RBBP8: variants seen among roughly 807,000 people sequenced by gnomAD.
RBBP8 encodes the protein DNA endonuclease RBBP8.
A neutral mutation model predicts 108.3 loss-of-function variants in RBBP8; 88 were observed. The ratio of observed to expected loss-of-function variants is 0.81; its 90% confidence interval spans 0.68 to 0.97. The LOEUF is 0.97. Among genes scored for constraint, RBBP8 ranks in the 50% least tolerant of loss-of-function variants. The probability of loss-of-function intolerance (pLI) is 0.00; values close to 1 mark genes in which losing one functional copy is unlikely to be tolerated. For synonymous variants in RBBP8, 332 were observed against 348.2 expected (o/e 0.95, Z 0.52); for missense variants, 1,023 against 1,049.0 (o/e 0.98, Z 0.34).
intron 3 of RBBP8, among the ~76,000 whole-genome samples, chr18:22,927,466 T>C (rs1909831548): frequency 6.6e-6 from 1 of 152,130 alleles, no homozygotes; most frequent in Admixed American, 6.5e-5. Context: ...TGTTCACTCA[T>C]TGATTATATT....
At chr18:22,947,205 A>C (rs1423672229) in intron 3 of RBBP8, among the ~76,000 whole-genome samples, 1 of 152,086 alleles carries the variant, frequency 6.6e-6, no homozygotes, top group East Asian at 1.9e-4. Context: ...TTAATTAAGA[A>C]ATTTAAAGAA....
At chr18:22,932,712 T>C (rs924220191), upstream of RBBP8, among the ~76,000 whole-genome samples, 4 of 152,198 alleles carry the variant, frequency 2.6e-5, no homozygotes, top group Admixed American at 2.6e-4. Context: ...GAAATAGGAA[T>C]ACCTACTATC....
intron 4 of RBBP8, among the ~76,000 whole-genome samples, chr18:22,953,948 G>A (rs774990573): frequency 6.6e-6 from 1 of 151,890 alleles, no homozygotes; most frequent in Non-Finnish European, 1.5e-5. Context: ...AAGCAAAAGG[G>A]GGATAAGCCC....
At chr18:22,972,560 C>T (rs1047328116) in intron 5 of RBBP8, among the ~76,000 whole-genome samples, 2 of 151,840 alleles carry the variant, frequency 1.3e-5, no homozygotes, top group Admixed American at 1.3e-4. Flanking sequence ...ATTATAGGCA[C>T]GTGCGACCAC....
upstream of RBBP8, among the ~76,000 whole-genome samples, chr18:22,931,126 A>G (rs1458444014): frequency 6.6e-6 from 1 of 152,122 alleles, no homozygotes; most frequent in Non-Finnish European, 1.5e-5. Flanking sequence ...AACAATAAAA[A>G]CTGTAAGATG....
chr18:22,929,683 C>T (rs1158393255), upstream of RBBP8, among the ~76,000 whole-genome samples: 1 of 151,948 alleles, frequency 6.6e-6, no homozygotes, highest in East Asian at 1.9e-4. Flanking sequence ...TATCTGGCCT[C>T]AGGTTGTATT....
intron 3 of RBBP8, among the ~76,000 whole-genome samples, chr18:22,925,768 C>T (rs1028826870): frequency 6.6e-6 from 1 of 152,128 alleles, no homozygotes; most frequent in Non-Finnish European, 1.5e-5. Context: ...TAATATTTTC[C>T]ATTGCTGTAA....
Position 23,022,181 on chromosome 18 carries a change from C to G in RBBP8, c.2507C>G (p.Ser836Ter), listed in dbSNP as rs770652928. Residue 836 changes from serine to a stop codon, truncating the protein, a stop_gained, in exon 18 of 19, where the codon TCA (serine) becomes TGA (stop). Coordinates refer to ENST00000327155, the MANE Select transcript of RBBP8 (RefSeq NM_002894.3). LOFTEE classifies it high-confidence loss of function. ...EEREKKLASC[S>*]RHRFRYIPPN... is the part of the protein sequence containing the mutation. Reference sequence around the variant, plus strand: ...AGAGAAAAGAAATTGGCTTCCTGCTCAAGACACCGATTCCGCTACATTCCA... The same window carrying G: ...AGAGAAAAGAAATTGGCTTCCTGCTGAAGACACCGATTCCGCTACATTCCA... 9 of 1,611,130 alleles carry G rather than the reference C, an allele frequency of 5.6e-6. No individual in the cohort carries two copies. In the South Asian group the frequency reaches 7.7e-5, roughly 14 times the overall value.
upstream of RBBP8, among the ~76,000 whole-genome samples, chr18:22,931,270 C>T (rs568438034): frequency 1.3e-5 from 2 of 152,000 alleles, no homozygotes; most frequent in South Asian, 2.1e-4. Context: ...GACAATAGCA[C>T]GCAATGGCCT....
chr18:22,994,136 T>G (rs1379783792), intron 12 of RBBP8, among the ~76,000 whole-genome samples: 2 of 142,790 alleles, frequency 1.4e-5, no homozygotes, highest in East Asian at 2.2e-4. Context: ...TTCTCCTGCC[T>G]CAGCCTCCCG....
intron 3 of RBBP8, 101 bp downstream of exon 3, chr18:22,946,587 A>T: frequency 6.6e-7 from 1 of 1,513,192 alleles, no homozygotes; most frequent in Non-Finnish European, 8.9e-7. Context: ...GTCCAATTTG[A>T]CCTTAATGTC....
chr18:23,003,809 A>T (rs1380092878), intron 15 of RBBP8, among the ~76,000 whole-genome samples: 1 of 152,186 alleles, frequency 6.6e-6, no homozygotes. Flanking sequence ...GATTCCTCAG[A>T]AAACTAAAAA....
In RBBP8 at chr18:22,991,063, C is replaced by T. The variant is rs1223803946; in HGVS notation, c.920+14C>T. ...AGATAGTTTAAGGTAATTAAGGGCA[C>T]GTTGGTGAAAACTGATAAGCTATTG... On this transcript the variant is annotated intron_variant, in intron 10 of 18. Coordinates refer to ENST00000327155, the MANE Select transcript of RBBP8 (RefSeq NM_002894.3). 7 of 1,562,472 alleles carry T rather than the reference C, an allele frequency of 4.5e-6. No individual in the cohort carries two copies. In the African/African-American group the frequency reaches 5.4e-5, roughly 12 times the overall value.
At chr18:22,950,810 C>A (rs902906963) in intron 4 of RBBP8, among the ~76,000 whole-genome samples, 5 of 151,986 alleles carry the variant, frequency 3.3e-5, no homozygotes, top group African/African-American at 4.8e-5. Context: ...ACTCAGGACA[C>A]TGAGACGGGA....
rs141917133 is a variant in RBBP8 at position 22,992,828 on chromosome 18, C to A, written c.1001C>A (p.Ser334Tyr). The A allele has an allele frequency of 6.2e-7, 1 of 1,611,282 alleles. No individual in the cohort carries two copies. Among genetic ancestry groups the A allele is most frequent in the Non-Finnish European group, 8.5e-7 (1 of 1,177,550 alleles). The change falls in exon 11 of 19, where the codon TCT (serine) becomes TAT (tyrosine). Residue 334 changes from serine (S) to tyrosine (Y), a missense_variant. Ser to Tyr is a moderately radical substitution (Grantham distance 144, BLOSUM62 -2). Coordinates refer to ENST00000327155, the MANE Select transcript of RBBP8 (RefSeq NM_002894.3). ...RVSSPVFGAT[S>Y]SIKSGLDLNT... The stretch of plus-strand genomic sequence containing the variant: ...TCATCTCCTGTATTTGGAGCTACCT[C>A]TAGTATCAAAAGTGGTTTAGATTTG...
chr18:22,954,315 A>G (rs191496662), intron 4 of RBBP8, among the ~76,000 whole-genome samples: 2 of 152,370 alleles, frequency 1.3e-5, no homozygotes, highest in East Asian at 3.9e-4. Context: ...TCGTAGATAC[A>G]GTGGGGATAC....
At chr18:22,996,280 A>C (rs187284341) in intron 12 of RBBP8, 94 bp from the exon 13 acceptor site, 28 of 1,543,978 alleles carry the variant, frequency 1.8e-5, no homozygotes, top group Middle Eastern at 2.3e-4. Flanking sequence ...ATGATTTGCA[A>C]AAATTTTCTA....
chr18:22,987,860 G>C (rs1033141163), intron 8 of RBBP8, among the ~76,000 whole-genome samples: 6 of 152,072 alleles, frequency 3.9e-5, no homozygotes, highest in Non-Finnish European at 1.5e-5. Context: ...TTTTTTCCTG[G>C]TTTCCCAACC....
chr18:22,980,741 G>T (rs1409099199), intron 6 of RBBP8, among the ~76,000 whole-genome samples: 2 of 149,070 alleles, frequency 1.3e-5, no homozygotes, highest in Non-Finnish European at 3.0e-5. Flanking sequence ...TGGAGACAGG[G>T]TCTCACTGTG....
Sources: allele counts gnomAD v4.1 joint callset (sites outside exome capture counted in the v4.1 genomes callset), GRCh38; gene constraint gnomAD v4.1.1; transcripts MANE v1.5; gene names NCBI Gene and HGNC (gene_info 2026-07-23, HGNC 2026-07-21).